The following CMIP variants were observed in gnomAD, a reference collection of about 807,000 sequenced individuals.
CMIP encodes the protein C-Maf-inducing protein.
CMIP carries 13 observed loss-of-function variants against 97.3 expected under a neutral mutation model. The observed-to-expected ratio is 0.13, with a 90% CI of 0.09 to 0.21. CMIP has a LOEUF of 0.21. Among genes scored for constraint, CMIP ranks in the 10% least tolerant of loss-of-function variants. The pLI is 1.00. For synonymous variants in CMIP, 538 were observed against 436.3 expected (o/e 1.23, Z -2.91); for missense variants, 847 against 1,024.9 (o/e 0.83, Z 2.37).
At chr16:81,615,370 C>CTGTATGGTGTG (rs1277337998) in intron 2 of CMIP, among the ~76,000 whole-genome samples, 9 of 127,006 alleles carry the variant, frequency 7.1e-5, no homozygotes, top group Non-Finnish European at 1.5e-4. Context: ...GCATGTGTAA[C>CTGTATGGTGTG]TGTATGGTGT....
intron 16 of CMIP, 103 bp downstream of exon 16, chr16:81,701,903 C>G: frequency 1.4e-6 from 2 of 1,412,158 alleles, no homozygotes; most frequent in African/African-American, 1.4e-5. Context: ...GGACCTCAAT[C>G]TCGTTGAATT....
intron 3 of CMIP, among the ~76,000 whole-genome samples, chr16:81,641,318 G>A (rs1358881387): frequency 6.6e-6 from 1 of 152,032 alleles, no homozygotes; most frequent in Non-Finnish European, 1.5e-5. Flanking sequence ...CACCTTCCCT[G>A]GGTGGCTGCA....
Position 81,445,208 on chromosome 16 carries a change from C to T in CMIP, c.-34C>T. 1.4e-6 allele frequency: 2 copies of T among 1,432,498 alleles called. No individual in the cohort carries two copies. Among genetic ancestry groups the T allele is most frequent in the South Asian group, 2.7e-5 (2 of 73,246 alleles). The allele number at this position is 1,432,498 out of a possible 1,614,324, so 88.7% of individuals were successfully genotyped here. On this transcript the variant is annotated 5_prime_UTR_variant, in exon 1 of 21. Transcript: ENST00000537098. ...CCCCAGCAGCCCAGGACAGCCCCCTCTCCCCGCCCCCAGCCCCCTCCCCCG... is the reference window on the plus strand; with the variant it reads ...CCCCAGCAGCCCAGGACAGCCCCCTTTCCCCGCCCCCAGCCCCCTCCCCCG...
rs144291624 is a variant in CMIP at position 81,468,995 on chromosome 16, C to T, written c.300+23454C>T. On this transcript the variant is annotated intron_variant, in intron 1 of 20. Coordinates refer to ENST00000537098, the MANE Select transcript of CMIP (RefSeq NM_198390.3). ...CCGAATTACAGGAAGGCCCCATGAACGTCTTGTTCTTTCCTACTCCGCTTT... is the reference window on the plus strand; with the variant it reads ...CCGAATTACAGGAAGGCCCCATGAATGTCTTGTTCTTTCCTACTCCGCTTT... Among the ~76,000 whole-genome samples the T allele has an allele frequency of 1.6e-3, 247 of 152,320 alleles. 1 individual carries two copies. Among genetic ancestry groups the T allele is most frequent in the African/African-American group, 5.6e-3 (233 of 41,578 alleles).
At chr16:81,702,895 A>G (rs1453462657) in intron 17 of CMIP, among the ~76,000 whole-genome samples, 1 of 152,226 alleles carries the variant, frequency 6.6e-6, no homozygotes, top group Non-Finnish European at 1.5e-5. Flanking sequence ...TGTTGGTGAT[A>G]ATAGTGTTGA....
chr16:81,469,770 C>G (rs1907412715), intron 1 of CMIP, among the ~76,000 whole-genome samples: 1 of 152,222 alleles, frequency 6.6e-6, no homozygotes, highest in South Asian at 2.1e-4. Flanking sequence ...TAGTTAAACT[C>G]TACCTGGAAA....
chr16:81,709,738 A>AC lies in CMIP; in HGVS notation c.2269-3dup. ...ACACGTGACAAGGACTCTTATTGCC[A>AC]CCCCCAGGCCAAGCTTCCCAATTTG... On this transcript the variant is annotated splice_region_variant and splice_polypyrimidine_tract_variant and intron_variant, in intron 20 of 20. Coordinates refer to ENST00000537098, the MANE Select transcript of CMIP (RefSeq NM_198390.3). 1.2e-6 allele frequency: 2 copies of AC among 1,613,758 alleles called. No homozygotes were observed. Among genetic ancestry groups the AC allele is most frequent in the East Asian group, 2.2e-5 (1 of 44,878 alleles).
intron 1 of CMIP, among the ~76,000 whole-genome samples, chr16:81,542,631 G>T (rs1177499753): frequency 6.6e-6 from 1 of 152,170 alleles, no homozygotes; most frequent in African/African-American, 2.4e-5. Context: ...CCAGGTCAAG[G>T]TGCTGGCCTG....
At chr16:81,707,994 C>A (rs1466948052) in intron 20 of CMIP, among the ~76,000 whole-genome samples, 1 of 152,286 alleles carries the variant, frequency 6.6e-6, no homozygotes, top group Non-Finnish European at 1.5e-5. Flanking sequence ...GGCGTGCTCA[C>A]TGGGGCATCC....
intron 4 of CMIP, among the ~76,000 whole-genome samples, chr16:81,653,828 G>A (rs2092454943): frequency 6.6e-6 from 1 of 152,228 alleles, no homozygotes; most frequent in South Asian, 2.1e-4. Context: ...GGCCAGGCTG[G>A]TCTTGAACTC....
chr16:81,624,735 G>T (rs2092037345), intron 3 of CMIP, among the ~76,000 whole-genome samples: 1 of 152,188 alleles, frequency 6.6e-6, no homozygotes, highest in Admixed American at 6.5e-5. Flanking sequence ...ACAGATGAGG[G>T]AGACACTAGG....
At chr16:81,617,284 C>CA (rs1277933487) in intron 2 of CMIP, 3 of 152,538 alleles carry the variant, frequency 2.0e-5, no homozygotes, top group African/African-American at 7.2e-5. Flanking sequence ...AGAACGGTGG[C>CA]AGCCTGGAGA....
At chr16:81,490,269 G>C (rs1230622480) in intron 1 of CMIP, among the ~76,000 whole-genome samples, 1 of 152,188 alleles carries the variant, frequency 6.6e-6, no homozygotes, top group Admixed American at 6.5e-5. Context: ...TTCTGTTCTC[G>C]TGGTCAGGAG....
At chr16:81,693,739 T>G (rs1906381098) in intron 13 of CMIP, among the ~76,000 whole-genome samples, 1 of 152,164 alleles carries the variant, frequency 6.6e-6, no homozygotes, top group Non-Finnish European at 1.5e-5. Flanking sequence ...GCCGAGGCCT[T>G]GATTTCGGGC....
At chr16:81,646,254 G>A (rs2092363494) in intron 3 of CMIP, among the ~76,000 whole-genome samples, 3 of 123,402 alleles carry the variant, frequency 2.4e-5, no homozygotes, top group African/African-American at 7.8e-5. Context: ...GTGGGTGGAT[G>A]GATGGATGGA....
intron 1 of CMIP, among the ~76,000 whole-genome samples, chr16:81,535,968 C>T (rs2090335087): frequency 6.6e-6 from 1 of 152,156 alleles, no homozygotes; most frequent in Non-Finnish European, 1.5e-5. Flanking sequence ...AGAGTCGTGT[C>T]ACCTGAGGGC....
intron 1 of CMIP, among the ~76,000 whole-genome samples, chr16:81,454,370 G>A (rs890958192): frequency 2.1e-4 from 32 of 152,218 alleles, no homozygotes; most frequent in African/African-American, 7.0e-4. Context: ...CCCCGTGTCT[G>A]TGTGGGTCCA....
chr16:81,553,736 T>G (rs2150861068), intron 1 of CMIP, among the ~76,000 whole-genome samples: 1 of 152,342 alleles, frequency 6.6e-6, no homozygotes, highest in South Asian at 2.1e-4. Flanking sequence ...CCTCGCCCCT[T>G]GCCAAAAGCT....
At chr16:81,560,047 C>G (rs1189237062) in intron 1 of CMIP, among the ~76,000 whole-genome samples, 1 of 151,242 alleles carries the variant, frequency 6.6e-6, no homozygotes, top group African/African-American at 2.4e-5. Context: ...ACTCAGGAGC[C>G]TGAGGAAGGA....
Sources: gnomAD v4.1 joint callset for allele counts (sites outside exome capture counted in the v4.1 genomes callset) on GRCh38, gnomAD v4.1.1 for gene constraint, MANE v1.5 for transcripts, NCBI Gene and HGNC (gene_info 2026-07-23, HGNC 2026-07-21) for gene names.